RAP1GAP2: variants seen among roughly 807,000 people sequenced by gnomAD.
The protein encoded by RAP1GAP2 is RAP1 GTPase activating protein 2.
RAP1GAP2 carries 27 observed loss-of-function variants against 95.0 expected under a neutral mutation model. That is an observed-to-expected ratio of 0.28 (90% CI 0.21 to 0.39). The LOEUF (loss-of-function observed/expected upper bound fraction) is 0.39, where lower values mean the gene tolerates loss of function less well. Ranked by LOEUF, RAP1GAP2 falls within the 10% of genes least tolerant of loss-of-function variation. RAP1GAP2 has a pLI of 1.00. For missense variants in RAP1GAP2, 771 were observed against 970.0 expected (o/e 0.79, Z 2.72); for synonymous variants, 373 against 380.9 (o/e 0.98, Z 0.24).
chr17:2,998,810 G>A (rs549575028), intron 14 of RAP1GAP2, among the ~76,000 whole-genome samples: 5 of 152,154 alleles, frequency 3.3e-5, no homozygotes, highest in East Asian at 1.9e-4. Flanking sequence ...CCATTTGCTC[G>A]CTGTGAGTGT....
At chr17:2,801,741 G>A (rs2069309156) in intron 2 of RAP1GAP2, among the ~76,000 whole-genome samples, 1 of 151,870 alleles carries the variant, frequency 6.6e-6, no homozygotes, top group Non-Finnish European at 1.5e-5. Flanking sequence ...GCCAGACTCA[G>A]GGTGTGGGAA....
chr17:2,956,419 G>A (rs1304282554), intron 3 of RAP1GAP2, among the ~76,000 whole-genome samples: 1 of 152,224 alleles, frequency 6.6e-6, no homozygotes, highest in Non-Finnish European at 1.5e-5. Flanking sequence ...CCTTCCCAGG[G>A]CGGGTCTGGG....
intron 2 of RAP1GAP2, among the ~76,000 whole-genome samples, chr17:2,894,856 G>A (rs954739085): frequency 6.6e-6 from 1 of 152,038 alleles, no homozygotes; most frequent in Admixed American, 6.6e-5. Context: ...CCTCGGCCCC[G>A]TTTCGGTCTT....
intron 17 of RAP1GAP2, among the ~76,000 whole-genome samples, chr17:3,010,357 A>AG (rs1470995311): frequency 6.6e-6 from 1 of 151,464 alleles, no homozygotes; most frequent in Non-Finnish European, 1.5e-5. Flanking sequence ...AAAAAAAAAA[A>AG]AAAGAAAAGT....
At chr17:2,947,646 C>T (rs1187206644) in intron 3 of RAP1GAP2, among the ~76,000 whole-genome samples, 1 of 152,128 alleles carries the variant, frequency 6.6e-6, no homozygotes, top group Admixed American at 6.5e-5. Context: ...ACCTTCTGTT[C>T]TGCAGCCAGC....
intron 10 of RAP1GAP2, among the ~76,000 whole-genome samples, chr17:2,982,318 T>C (rs907104389): frequency 1.1e-4 from 17 of 152,278 alleles, no homozygotes; most frequent in African/African-American, 2.9e-4. Context: ...TTTGTATTTT[T>C]AGTAGAGACG....
At chr17:2,959,127 G>A (rs747794369) in intron 4 of RAP1GAP2, among the ~76,000 whole-genome samples, 44 of 152,092 alleles carry the variant, frequency 2.9e-4, no homozygotes, top group Non-Finnish European at 5.7e-4. Context: ...AGCTGGCAGG[G>A]GGTTTGCAGC....
chr17:2,979,942 T>C (rs2045290462), intron 8 of RAP1GAP2, among the ~76,000 whole-genome samples: 1 of 151,674 alleles, frequency 6.6e-6, no homozygotes, highest in African/African-American at 2.4e-5. Context: ...GTTTCTTTCC[T>C]TTTCTTCTTT....
chr17:3,024,141 G>A lies in RAP1GAP2; in HGVS notation c.1752-1867G>A, dbSNP rs116214999. On this transcript the variant is annotated intron_variant, in intron 19 of 24. Transcript: ENST00000254695. ...CAGTAGAGTACCACATTTAAGGGCAGGTGGAGAAGGGAAGGTGGTGAAGCT... is the reference window on the plus strand; with the variant it reads ...CAGTAGAGTACCACATTTAAGGGCAAGTGGAGAAGGGAAGGTGGTGAAGCT... Among the ~76,000 whole-genome samples, 559 of 152,234 alleles carry A rather than the reference G, an allele frequency of 3.7e-3. 7 individuals carry two copies. The highest frequency in any genetic ancestry group is 0.013 in the African/African-American group (526 of 41,528).
chr17:2,932,503 T>G (rs1018857922), intron 3 of RAP1GAP2, among the ~76,000 whole-genome samples: 1 of 150,058 alleles, frequency 6.7e-6, no homozygotes, highest in Admixed American at 6.7e-5. Context: ...GGAAATTCTG[T>G]GAGGTTCCAT....
chr17:2,956,076 T>G (rs2044092831), intron 3 of RAP1GAP2, among the ~76,000 whole-genome samples: 1 of 152,208 alleles, frequency 6.6e-6, no homozygotes, highest in Non-Finnish European at 1.5e-5. Context: ...TTTCTATCCG[T>G]ATTGATTGGT....
chr17:2,853,809 A>T, intron 2 of RAP1GAP2: 1 of 535,994 alleles, frequency 1.9e-6, no homozygotes, highest in African/African-American at 2.1e-5. Flanking sequence ...GAGACGCTGA[A>T]GGTCGCCGGG....
At chr17:2,778,838 T>C (rs1464752401) in intron 1 of RAP1GAP2, among the ~76,000 whole-genome samples, 2 of 152,054 alleles carry the variant, frequency 1.3e-5, no homozygotes, top group African/African-American at 4.8e-5. Flanking sequence ...GAAGCAACAA[T>C]TTGATTATTC....
chr17:2,893,556 C>T (rs898629869), intron 2 of RAP1GAP2, among the ~76,000 whole-genome samples: 6 of 152,204 alleles, frequency 3.9e-5, no homozygotes, highest in African/African-American at 7.2e-5. Flanking sequence ...AAGATGAATG[C>T]GCCTTTCCTC....
intron 3 of RAP1GAP2, among the ~76,000 whole-genome samples, chr17:2,924,770 C>T (rs1204280312): frequency 2.0e-5 from 3 of 152,116 alleles, no homozygotes; most frequent in East Asian, 3.9e-4. Flanking sequence ...GGGAATGTCC[C>T]CTCCCCAATC....
At position 3,036,687 on chromosome 17, in the gene RAP1GAP2, A is replaced by G. The variant is rs12603123; in HGVS notation, c.*3326A>G. On this transcript the variant is annotated 3_prime_UTR_variant, in exon 25 of 25. Transcript: ENST00000254695. ...GAGGCCAGGGAAAAAGATGCTGTTC[A>G]CCCACCCTCAGCTTCCCTTTTCCTA... The G allele has an allele frequency of 0.18, 27,559 of 152,228 alleles. 4,222 individuals are homozygous for G. Among genetic ancestry groups the G allele is most frequent in the African/African-American group, 0.43 (17,681 of 41,432 alleles). The allele number at this position is 152,228 out of a possible 1,614,324, so 9.4% of individuals were successfully genotyped here. A position where few individuals can be genotyped will look rare whatever the true frequency, so the allele number is the denominator to read the frequency against.
At chr17:2,958,808 C>A (rs1898692623) in intron 4 of RAP1GAP2, among the ~76,000 whole-genome samples, 1 of 150,936 alleles carries the variant, frequency 6.6e-6, no homozygotes, top group African/African-American at 2.4e-5. Context: ...CACGGCAGTC[C>A]TGAGATGTGG....
chr17:2,893,363 C>CTTCA (rs1443094502), intron 2 of RAP1GAP2, among the ~76,000 whole-genome samples: 2 of 152,100 alleles, frequency 1.3e-5, no homozygotes, highest in Non-Finnish European at 2.9e-5. Context: ...TTTTAATGGG[C>CTTCA]TTCAGAAGAA....
chr17:2,996,603 T>C (rs1406465733), intron 13 of RAP1GAP2, among the ~76,000 whole-genome samples: 1 of 152,194 alleles, frequency 6.6e-6, no homozygotes, highest in Non-Finnish European at 1.5e-5. Context: ...CATTCAACCT[T>C]TCACCTCCAG....
Sources: gnomAD v4.1 joint callset for allele counts (sites outside exome capture counted in the v4.1 genomes callset) on GRCh38, gnomAD v4.1.1 for gene constraint, MANE v1.5 for transcripts, NCBI Gene and HGNC (gene_info 2026-07-23, HGNC 2026-07-21) for gene names.